The following ASH1L variants were observed in gnomAD, a reference collection of about 807,000 sequenced individuals.
ASH1L encodes the protein ASH1 like histone lysine methyltransferase, also known as histone-lysine N-methyltransferase ASH1L.
ASH1L carries 23 observed loss-of-function variants against 269.0 expected under a neutral mutation model. The observed-to-expected ratio is 0.09, with a 90% CI of 0.06 to 0.12. The LOEUF is 0.12. ASH1L is among the 10% of genes least tolerant of loss of function. The pLI is 1.00. For synonymous variants in ASH1L, 1,187 were observed against 1,253.5 expected (o/e 0.95, Z 1.12); for missense variants, 2,912 against 3,567.8 (o/e 0.82, Z 4.68).
chr1:155,507,990 T>C (rs1667922783), intron 2 of ASH1L, among the ~76,000 whole-genome samples: 1 of 152,028 alleles, frequency 6.6e-6, no homozygotes, highest in Admixed American at 6.6e-5. Flanking sequence ...TATTGCAAGC[T>C]TGTATACTTG....
intron 1 of ASH1L, among the ~76,000 whole-genome samples, chr1:155,536,157 C>A (rs942433731): frequency 6.6e-6 from 1 of 152,082 alleles, no homozygotes; most frequent in Non-Finnish European, 1.5e-5. Flanking sequence ...AGGTTCTAGT[C>A]AAGCCAAAAA....
chr1:155,433,502 G>A (rs748347213), intron 5 of ASH1L: 9 of 1,610,310 alleles, frequency 5.6e-6, no homozygotes, highest in African/African-American at 1.3e-5. Context: ...GAGCAACTCC[G>A]ATGGCACCTC....
chr1:155,368,405 G>C (rs1655630237), intron 12 of ASH1L, among the ~76,000 whole-genome samples: 1 of 151,496 alleles, frequency 6.6e-6, no homozygotes, highest in Admixed American at 6.6e-5. Context: ...TACATGTGCA[G>C]ATTTTCTATT....
intron 6 of ASH1L, among the ~76,000 whole-genome samples, chr1:155,397,863 G>A (rs1007147133): frequency 2.6e-5 from 4 of 152,094 alleles, no homozygotes; most frequent in African/African-American, 4.8e-5. Context: ...ACCTGGCCAG[G>A]TTATCTTAAT....
intron 5 of ASH1L, among the ~76,000 whole-genome samples, chr1:155,432,810 A>G (rs973329154): frequency 6.6e-6 from 1 of 152,144 alleles, no homozygotes; most frequent in Non-Finnish European, 1.5e-5. Flanking sequence ...ATCTAGGCTC[A>G]CTGCAACCTC....
At position 155,341,940 on chromosome 1, in the gene ASH1L, A is replaced by C. The variant is rs1391741267; in HGVS notation, c.8456T>G (p.Phe2819Cys). The C allele has an allele frequency of 8.1e-6, 13 of 1,613,978 alleles. No individual in the cohort carries two copies. The highest frequency in any genetic ancestry group is 1.1e-5 in the Non-Finnish European group (13 of 1,179,944). Residue 2819 changes from phenylalanine (F) to cysteine (C), a missense_variant, in exon 25 of 28, where the codon TTC (phenylalanine) becomes TGC (cysteine). Physicochemically the swap from Phe to Cys is radical, Grantham distance 205. This residue lies in a region of ASH1L where 179 missense variants were observed against 293.8 expected (regional missense o/e 0.61). Coordinates refer to ENST00000392403, the MANE Select transcript of ASH1L (RefSeq NM_018489.3). ...FPKKLTPKKD[F>C]SPHYVPDNYK... is the part of the protein sequence containing the mutation. ...TAAGAAAGGAAGGAGACTCACCGAGAAATCTTTTTTGGGAGTGAGCTTCTT... is the reference window on the plus strand; with the variant it reads ...TAAGAAAGGAAGGAGACTCACCGAGCAATCTTTTTTGGGAGTGAGCTTCTT...
chr1:155,554,402 A>T (rs1055691128), intron 1 of ASH1L, among the ~76,000 whole-genome samples: 4 of 152,010 alleles, frequency 2.6e-5, no homozygotes, highest in Non-Finnish European at 5.9e-5. Context: ...CCTCCCGAGT[A>T]GCTGGGATTA....
chr1:155,509,983 GGAA>G (rs1290408422), intron 2 of ASH1L, among the ~76,000 whole-genome samples: 2 of 152,194 alleles, frequency 1.3e-5, no homozygotes, highest in East Asian at 3.9e-4. Context: ...AAACTTCGAA[GGAA>G]GAAGGTCTTT....
chr1:155,519,495 C>A (rs576065364), intron 2 of ASH1L, among the ~76,000 whole-genome samples: 5 of 152,232 alleles, frequency 3.3e-5, no homozygotes, highest in African/African-American at 1.2e-4. Context: ...ATGGATTATT[C>A]AGCCATGAAA....
chr1:155,376,379 A>C (rs370317016), intron 10 of ASH1L, among the ~76,000 whole-genome samples: 3 of 152,264 alleles, frequency 2.0e-5, no homozygotes, highest in Admixed American at 6.5e-5. Flanking sequence ...AACTATCCAG[A>C]ACAGGAAATA....
chr1:155,428,388 G>A (rs570811088), intron 5 of ASH1L, among the ~76,000 whole-genome samples: 2 of 151,944 alleles, frequency 1.3e-5, no homozygotes, highest in South Asian at 2.1e-4. Flanking sequence ...GTTGCAGTAA[G>A]CCGAGATTGT....
intron 5 of ASH1L, among the ~76,000 whole-genome samples, chr1:155,418,888 C>T (rs987207273): frequency 1.3e-5 from 2 of 151,036 alleles, no homozygotes; most frequent in Non-Finnish European, 3.0e-5. Flanking sequence ...GCTAACACGG[C>T]GAAACCCCGA....
chr1:155,376,948 C>G (rs1248978810), intron 10 of ASH1L, among the ~76,000 whole-genome samples: 1 of 151,322 alleles, frequency 6.6e-6, no homozygotes, highest in Non-Finnish European at 1.5e-5. Context: ...CCTCTTGTTG[C>G]CCAGGCTGGA....
At chr1:155,410,758 T>G (rs1226140925) in intron 6 of ASH1L, among the ~76,000 whole-genome samples, 3 of 151,838 alleles carry the variant, frequency 2.0e-5, no homozygotes, top group Admixed American at 2.0e-4. Flanking sequence ...CCTGAGCCAC[T>G]GCGTCTGGCC....
chr1:155,562,060 G>A (rs1376365769), intron 1 of ASH1L, 93 bp downstream of exon 1: 1 of 868,532 alleles, frequency 1.2e-6, no homozygotes, highest in Non-Finnish European at 1.8e-6. Context: ...AGAGATCCAG[G>A]TCCGGGAGAT....
rs79710824 is a variant in ASH1L, at chr1:155,475,719, T to C, written c.4984+2167A>G. On this transcript the variant is annotated intron_variant, in intron 3 of 27. Transcript: ENST00000392403. ...CTGTATGTTTCAGGAATTCAACATA[T>C]GAACCAGTAAATGAATGAATAATGA... Among the ~76,000 whole-genome samples the C allele has an allele frequency of 5.5e-3, 844 of 152,336 alleles. 11 individuals carry two copies. The highest frequency in any genetic ancestry group is 0.02 in the African/African-American group (814 of 41,572).
intron 26 of ASH1L, 103 bp from the exon 27 acceptor site, chr1:155,338,493 TAG>T: frequency 9.7e-7 from 1 of 1,030,384 alleles, no homozygotes; most frequent in Non-Finnish European, 1.4e-6. Flanking sequence ...GTCCAGCAGT[TAG>T]AGCCTTAGCT....
At chr1:155,488,142 C>A (rs1032002835) in intron 2 of ASH1L, among the ~76,000 whole-genome samples, 1 of 151,868 alleles carries the variant, frequency 6.6e-6, no homozygotes, top group Non-Finnish European at 1.5e-5. Context: ...GCCTCAGCCT[C>A]CCAAAGTGCT....
intron 5 of ASH1L, among the ~76,000 whole-genome samples, chr1:155,431,637 T>G (rs2148595920): frequency 6.6e-6 from 1 of 152,164 alleles, no homozygotes; most frequent in Admixed American, 6.5e-5. Flanking sequence ...GGCCCCCGCC[T>G]GCAGTCCCAG....
Sources: gnomAD v4.1 joint callset for allele counts (sites outside exome capture counted in the v4.1 genomes callset) on GRCh38, gnomAD v4.1.1 for gene constraint, gnomAD v4.1.1 regional missense constraint, MANE v1.5 for transcripts, NCBI Gene and HGNC (gene_info 2026-07-23, HGNC 2026-07-21) for gene names.